PLOD2: variants seen among roughly 807,000 people sequenced by gnomAD.
PLOD2 encodes the protein procollagen-lysine,2-oxoglutarate 5-dioxygenase 2.
Under a neutral mutation model 101.0 loss-of-function variants are expected in PLOD2, and 65 were observed. That is an observed-to-expected ratio of 0.64 (90% confidence interval 0.53 to 0.79). The LOEUF (loss-of-function observed/expected upper bound fraction) is 0.79, where lower values mean the gene tolerates loss of function less well. Ranked by LOEUF, PLOD2 falls within the 30% of genes least tolerant of loss-of-function variation. The pLI is 0.00. For missense variants in PLOD2, 909 were observed against 914.6 expected (o/e 0.99, Z 0.08); for synonymous variants, 314 against 302.9 (o/e 1.04, Z -0.38).
intron 8 of PLOD2, among the ~76,000 whole-genome samples, chr3:146,089,114 G>A (rs1489212484): frequency 6.6e-6 from 1 of 151,262 alleles, no homozygotes; most frequent in Non-Finnish European, 1.5e-5. Context: ...TTGTTTCCTC[G>A]GCTTAAAGTT....
At chr3:146,152,517 T>C (rs1161561350) in intron 1 of PLOD2, among the ~76,000 whole-genome samples, 2 of 152,148 alleles carry the variant, frequency 1.3e-5, no homozygotes, top group Non-Finnish European at 2.9e-5. Flanking sequence ...ATGACAAATA[T>C]ACCTAGACCA....
intron 9 of PLOD2, among the ~76,000 whole-genome samples, chr3:146,087,379 C>T (rs1198604193): frequency 2.0e-5 from 3 of 151,518 alleles, no homozygotes; most frequent in Admixed American, 2.0e-4. Flanking sequence ...TACAAAATAC[C>T]CTTTGAAACC....
At chr3:146,072,194 T>C (rs1051323357) in intron 17 of PLOD2, among the ~76,000 whole-genome samples, 49 of 151,722 alleles carry the variant, frequency 3.2e-4, no homozygotes, top group African/African-American at 1.1e-3. Flanking sequence ...ACATTTGCCT[T>C]AGAATTTTCA....
intron 7 of PLOD2, among the ~76,000 whole-genome samples, chr3:146,092,603 T>C (rs1937012292): frequency 6.6e-6 from 1 of 152,032 alleles, no homozygotes; most frequent in Non-Finnish European, 1.5e-5. Context: ...CAGATCTCTC[T>C]GAGTATCCCC....
At chr3:146,142,963 T>C (rs1222010316) in intron 1 of PLOD2, among the ~76,000 whole-genome samples, 1 of 152,092 alleles carries the variant, frequency 6.6e-6, no homozygotes, top group East Asian at 1.9e-4. Flanking sequence ...ATGCTTTGGT[T>C]ATAACACAAT....
chr3:146,119,542 G>T (rs1261816826), intron 3 of PLOD2, among the ~76,000 whole-genome samples: 1 of 151,924 alleles, frequency 6.6e-6, no homozygotes, highest in African/African-American at 2.4e-5. Flanking sequence ...GCTGCACCCA[G>T]TAACTTGTCA....
intron 13 of PLOD2, among the ~76,000 whole-genome samples, chr3:146,078,152 T>C (rs1292436356): frequency 6.6e-6 from 1 of 151,786 alleles, no homozygotes; most frequent in Non-Finnish European, 1.5e-5. Flanking sequence ...GGGTCAAACA[T>C]AAGTCTAAGC....
At position 146,070,595 on chromosome 3, in the gene PLOD2, G is replaced by A. The variant is rs933653070; in HGVS notation, c.*122C>T. The A allele has an allele frequency of 1.6e-6, 1 of 634,242 alleles. No individual in the cohort carries two copies. Among genetic ancestry groups the A allele is most frequent in the Non-Finnish European group, 2.7e-6 (1 of 367,914 alleles). 39.3% of individuals were successfully genotyped at this position (634,242 alleles called of 1,614,324 possible). On this transcript the variant is annotated 3_prime_UTR_variant, in exon 20 of 20. Transcript: ENST00000282903. Reference sequence around the variant, plus strand: ...AAGTTTTTCAAATGTTTGGCCCAAAGTGAAGTTGTTCTGTTGATGTTATTT... The same window carrying A: ...AAGTTTTTCAAATGTTTGGCCCAAAATGAAGTTGTTCTGTTGATGTTATTT...
intron 1 of PLOD2, among the ~76,000 whole-genome samples, chr3:146,142,592 G>A (rs1166662121): frequency 6.6e-6 from 1 of 152,040 alleles, no homozygotes; most frequent in African/African-American, 2.4e-5. Flanking sequence ...CATATTACAA[G>A]ATTAATTGCC....
intron 10 of PLOD2, chr3:146,086,233 T>C (rs1360899750): frequency 1.3e-5 from 2 of 152,408 alleles, no homozygotes; most frequent in Non-Finnish European, 2.9e-5. Context: ...TCACCTACTC[T>C]TAACACAGTT....
At chr3:146,091,178 A>G (rs1936958490) in intron 8 of PLOD2, among the ~76,000 whole-genome samples, 1 of 151,722 alleles carries the variant, frequency 6.6e-6, no homozygotes, top group Non-Finnish European at 1.5e-5. Context: ...TCACACAGGT[A>G]AAAATGCACA....
chr3:146,088,588 T>G lies in PLOD2; in HGVS notation c.1003A>C (p.Lys335Gln), dbSNP rs1936865437. The G allele has an allele frequency of 6.4e-7, 1 of 1,556,608 alleles. No homozygotes were observed. The highest frequency in any genetic ancestry group is 8.9e-7 in the Non-Finnish European group (1 of 1,129,324). ...ATATTCATTTCTCAAATACTTACTT[T>G]GTTATGAATAAAAAGTTTAAGTGCT... ...KEALKLFIHN[K>Q]EVYHEKDIKV... is the part of the protein sequence containing the mutation. The change falls in exon 9 of 20, where the codon AAA becomes CAA. Residue 335 changes from lysine to glutamine, a missense_variant and splice_region_variant. Lys to Gln is a moderately conservative substitution (Grantham distance 53). Coordinates refer to ENST00000282903, the MANE Select transcript of PLOD2 (RefSeq NM_182943.3).
rs2032549360 is a variant in PLOD2 at position 146,160,961 on chromosome 3, A to C, written c.29T>G (p.Leu10Arg). 6.3e-7 allele frequency: 1 copy of C among 1,597,356 alleles called. No homozygotes were observed. Among genetic ancestry groups the C allele is most frequent in the Non-Finnish European group, 8.5e-7 (1 of 1,172,356 alleles). ...GTGGAGGACGAGCGCCAGGAGCAGC[A>C]GCTGAGGCTTCACCGTGCATCCCCC... MGGCTVKPQ[L>R]LLLALVLHPW... Residue 10 changes from leucine to arginine, a missense_variant, in exon 1 of 20, where the codon CTG becomes CGG. Leu to Arg is a moderately radical substitution (Grantham distance 102, BLOSUM62 -2). Transcript: ENST00000282903.
intron 1 of PLOD2, among the ~76,000 whole-genome samples, chr3:146,128,880 C>CTTTTTTTTTTTTTTT (rs3975816): frequency 1.4e-5 from 1 of 73,180 alleles, no homozygotes; most frequent in Non-Finnish European, 2.4e-5. Context: ...ATCTGAAATC[C>CTTTTTTTTTTTTTTT]TTTTTTTTTT....
At chr3:146,128,032 T>G (rs2030679633) in intron 1 of PLOD2, among the ~76,000 whole-genome samples, 1 of 152,052 alleles carries the variant, frequency 6.6e-6, no homozygotes, top group Non-Finnish European at 1.5e-5. Flanking sequence ...AAACTTCCAA[T>G]CAAAAGAAAG....
chr3:146,087,087 GAA>G (rs1365644803), intron 9 of PLOD2, among the ~76,000 whole-genome samples, 179 bp from the exon 10 acceptor site: 1 of 151,806 alleles, frequency 6.6e-6, no homozygotes, highest in Admixed American at 6.6e-5. Context: ...AATGTCACAT[GAA>G]TAATCTTAAA....
At chr3:146,113,893 C>T (rs9842560) in intron 3 of PLOD2, among the ~76,000 whole-genome samples, 61,905 of 151,980 alleles carry the variant, frequency 0.41, 12,959 homozygotes, top group East Asian at 0.56. Context: ...CTTACAAAAG[C>T]GAATAGGAGA....
chr3:146,109,795 A>G (rs1029633026), intron 4 of PLOD2, among the ~76,000 whole-genome samples: 2 of 152,174 alleles, frequency 1.3e-5, no homozygotes, highest in Admixed American at 6.5e-5. Context: ...CAGACACTCA[A>G]TGTTAGATAT....
At chr3:146,104,166 T>C (rs1937489226) in intron 6 of PLOD2, 113 bp downstream of exon 6, 2 of 756,752 alleles carry the variant, frequency 2.6e-6, no homozygotes, top group African/African-American at 1.7e-5. Context: ...AATTACAATA[T>C]TTACACTGTC....
Sources: allele counts gnomAD v4.1 joint callset (sites outside exome capture counted in the v4.1 genomes callset), GRCh38; gene constraint gnomAD v4.1.1; transcripts MANE v1.5; gene names NCBI Gene and HGNC (gene_info 2026-07-23, HGNC 2026-07-21).